TTC28: variants seen among roughly 807,000 people sequenced by gnomAD.
TTC28 encodes tetratricopeptide repeat domain 28.
Under a neutral mutation model 198.0 loss-of-function variants are expected in TTC28, and 61 were observed. That is an observed-to-expected ratio of 0.31 (90% CI 0.25 to 0.38). The LOEUF is 0.38. Among genes scored for constraint, TTC28 ranks in the 10% least tolerant of loss-of-function variants. The pLI is 1.00. For synonymous variants in TTC28, 1,171 were observed against 1,297.8 expected, an observed-to-expected ratio of 0.90 and a Z score of 2.10; for missense variants, 2,678 against 3,164.0, an observed-to-expected ratio of 0.85 and a Z score of 3.69.
At position 28,548,804 on chromosome 22, in the gene TTC28, C is replaced by A. The variant is rs1569017863; in HGVS notation, c.381+80748G>T. Among the ~76,000 whole-genome samples the A allele has an allele frequency of 3.9e-5, 6 of 152,180 alleles. No individual in the cohort carries two copies. In the South Asian group the frequency reaches 6.2e-4, roughly 16 times the overall value. On this transcript the variant is annotated intron_variant, in intron 2 of 22. Coordinates refer to ENST00000397906, the MANE Select transcript of TTC28 (RefSeq NM_001145418.2). Reference sequence around the variant, plus strand: ...TCGGCTCATAAACATGTTTCCTTACCCCCATGACAGTCATGATGTTCCCCT... The same window carrying A: ...TCGGCTCATAAACATGTTTCCTTACACCCATGACAGTCATGATGTTCCCCT...
intron 2 of TTC28, among the ~76,000 whole-genome samples, chr22:28,341,938 C>T (rs2045837454): frequency 6.6e-6 from 1 of 151,994 alleles, no homozygotes; most frequent in Non-Finnish European, 1.5e-5. Flanking sequence ...ATGATCATGC[C>T]ACTGAACTCC....
At chr22:28,138,328 A>C (rs529183654) in intron 6 of TTC28, among the ~76,000 whole-genome samples, 16 of 152,234 alleles carry the variant, frequency 1.1e-4, no homozygotes, top group Non-Finnish European at 2.4e-4. Context: ...ATGCACTGCT[A>C]GACTCTTGGG....
chr22:28,383,942 T>C (rs1156774460), intron 2 of TTC28, among the ~76,000 whole-genome samples: 1 of 152,188 alleles, frequency 6.6e-6, no homozygotes, highest in Non-Finnish European at 1.5e-5. Flanking sequence ...TCAAACCCTA[T>C]ATGATCTTCC....
intron 2 of TTC28, among the ~76,000 whole-genome samples, chr22:28,312,859 A>T (rs191533894): frequency 1.2e-4 from 18 of 152,340 alleles, no homozygotes; most frequent in Admixed American, 1.0e-3. Context: ...AATAACTAAG[A>T]TCAGAGCAGA....
intron 12 of TTC28, among the ~76,000 whole-genome samples, chr22:28,052,697 T>G (rs1940134055): frequency 6.6e-6 from 1 of 152,240 alleles, no homozygotes; most frequent in Admixed American, 6.5e-5. Flanking sequence ...AAATAATGTC[T>G]CGAGTGTTTT....
intron 5 of TTC28, among the ~76,000 whole-genome samples, chr22:28,294,410 A>G (rs1340895614): frequency 6.6e-6 from 1 of 152,324 alleles, no homozygotes; most frequent in Admixed American, 6.5e-5. Flanking sequence ...CATCTATAAT[A>G]TAACATCTAT....
At chr22:28,240,735 A>G (rs76456286) in intron 5 of TTC28, among the ~76,000 whole-genome samples, 310 of 152,244 alleles carry the variant, frequency 2.0e-3, no homozygotes, top group African/African-American at 6.5e-3. Context: ...GGCAAACCAT[A>G]AGGCCGGAAC....
chr22:27,983,621 C>CTCCACCCTCTGA lies in TTC28; in HGVS notation c.6034_6045dup (p.Ser2012_Gly2015dup). 6.5e-7 allele frequency: 1 copy of CTCCACCCTCTGA among 1,543,764 alleles called. No individual in the cohort carries two copies. Among genetic ancestry groups the CTCCACCCTCTGA allele is most frequent in the Non-Finnish European group, 8.7e-7 (1 of 1,143,324 alleles). On this transcript the variant is annotated inframe_insertion, in exon 23 of 23. Transcript: ENST00000397906. ...TCATGGTCCTGCCGTCCTCCGGGGC[C>CTCCACCCTCTGA]TCCACCCTCTGATCCACCCTCGGGT...
chr22:27,999,210 C>G lies in TTC28; in HGVS notation c.4449G>C (p.Ala1483=). ...PPTYSSSTSM[A]AVIGNPKLPS... Reference sequence around the variant, plus strand: ...GTAGCTTGGGGTTGCCGATGACAGCCGCCATGGATGTGGAGCTGGAGTATG... The same window carrying G: ...GTAGCTTGGGGTTGCCGATGACAGCGGCCATGGATGTGGAGCTGGAGTATG... Residue 1483 remains alanine (A), a synonymous_variant, in exon 16 of 23, where the codon GCG becomes GCC. Transcript: ENST00000397906. The G allele has an allele frequency of 6.4e-7, 1 of 1,550,962 alleles. No individual in the cohort carries two copies. Among genetic ancestry groups the G allele is most frequent in the African/African-American group, 1.4e-5 (1 of 73,156 alleles).
intron 5 of TTC28, among the ~76,000 whole-genome samples, chr22:28,208,466 C>T (rs1031391647): frequency 6.6e-6 from 1 of 152,142 alleles, no homozygotes; most frequent in Non-Finnish European, 1.5e-5. Flanking sequence ...CAAGCCCCAG[C>T]TCTAAGTCTC....
intron 2 of TTC28, among the ~76,000 whole-genome samples, chr22:28,498,033 A>C (rs1371668607): frequency 6.6e-6 from 1 of 152,162 alleles, no homozygotes; most frequent in Non-Finnish European, 1.5e-5. Context: ...ATAAAGACAC[A>C]AATTTCCAAC....
rs1290021756 is a variant in TTC28 at position 27,980,212 on chromosome 22, T to C, written c.*2009A>G. On this transcript the variant is annotated 3_prime_UTR_variant, in exon 23 of 23. Coordinates refer to ENST00000397906, the MANE Select transcript of TTC28 (RefSeq NM_001145418.2). ...GAAACTTGAGGTTTACTTTTCATTG[T>C]TAAGAACCTGATTTTGCTATCTAAT... 1.3e-5 allele frequency: 2 copies of C among 152,264 alleles called. No homozygotes were observed. Among genetic ancestry groups the C allele is most frequent in the Non-Finnish European group, 2.9e-5 (2 of 68,054 alleles). 9.4% of individuals were successfully genotyped at this position (152,264 alleles called of 1,614,324 possible). A position where few individuals can be genotyped will look rare whatever the true frequency, so the allele number is the denominator to read the frequency against.
At chr22:28,121,946 C>A (rs1346420959) in intron 6 of TTC28, among the ~76,000 whole-genome samples, 1 of 152,198 alleles carries the variant, frequency 6.6e-6, no homozygotes, top group South Asian at 2.1e-4. Flanking sequence ...TGGCTCACTG[C>A]AAACTCCGCC....
intron 2 of TTC28, among the ~76,000 whole-genome samples, chr22:28,500,421 C>T (rs1228440134): frequency 6.6e-6 from 1 of 152,118 alleles, no homozygotes; most frequent in Non-Finnish European, 1.5e-5. Context: ...GCTTTATCCA[C>T]TTTGCTAACA....
intron 2 of TTC28, among the ~76,000 whole-genome samples, chr22:28,514,271 ATATAT>A (rs2048740884): frequency 6.6e-6 from 1 of 152,228 alleles, no homozygotes; most frequent in Admixed American, 6.5e-5. Flanking sequence ...ATTCTTTCTG[ATATAT>A]TAGTAAGTGT....
intron 12 of TTC28, among the ~76,000 whole-genome samples, chr22:28,082,814 G>T (rs1941413884): frequency 6.6e-6 from 1 of 152,070 alleles, no homozygotes; most frequent in African/African-American, 2.4e-5. Flanking sequence ...ATTTGAAAAG[G>T]ATTGGTATTA....
intron 5 of TTC28, among the ~76,000 whole-genome samples, chr22:28,295,089 G>A (rs2044867878): frequency 6.6e-6 from 1 of 152,176 alleles, no homozygotes; most frequent in Non-Finnish European, 1.5e-5. Flanking sequence ...TAAGAAAAGT[G>A]TTCAGGTAAC....
intron 5 of TTC28, among the ~76,000 whole-genome samples, chr22:28,194,392 CA>C (rs1356770408): frequency 6.6e-6 from 1 of 152,116 alleles, no homozygotes; most frequent in Non-Finnish European, 1.5e-5. Context: ...CAAGAGCAAA[CA>C]CATTCAAAAG....
intron 2 of TTC28, among the ~76,000 whole-genome samples, chr22:28,471,671 G>A (rs1402873071): frequency 1.3e-5 from 2 of 152,120 alleles, no homozygotes; most frequent in Non-Finnish European, 1.5e-5. Flanking sequence ...ACTCTGAAAT[G>A]ATCAAATAGG....
Sources: allele counts gnomAD v4.1 joint callset (sites outside exome capture counted in the v4.1 genomes callset), GRCh38; gene constraint gnomAD v4.1.1; transcripts MANE v1.5; gene names NCBI Gene and HGNC (gene_info 2026-07-23, HGNC 2026-07-21).